BTRC: variants seen among roughly 807,000 people sequenced by gnomAD.
BTRC encodes beta-transducin repeat containing E3 ubiquitin protein ligase.
In BTRC, 42 loss-of-function variants were observed where a neutral mutation model predicts 85.5. That is an observed-to-expected ratio of 0.49 (90% CI 0.38 to 0.64). The LOEUF is 0.64. BTRC is among the 30% of genes least tolerant of loss of function. The pLI is 0.00. For synonymous variants in BTRC, 255 were observed against 263.3 expected (o/e 0.97, Z 0.30); for missense variants, 594 against 743.5 (o/e 0.80, Z 2.34).
chr10:101,377,179 G>A lies in BTRC; in HGVS notation c.48+22951G>A, dbSNP rs371823953. On this transcript the variant is annotated intron_variant, in intron 1 of 14. Transcript: ENST00000370187. ...AAATCTTCTGTTACTGACCTCTTCC[G>A]TTCAGCATAATGCCTTTGAGCTAGA... 1.9e-4 allele frequency among the ~76,000 whole-genome samples: 29 copies of A among 152,160 alleles called. 1 individual carries two copies. The highest frequency in any genetic ancestry group is 1.3e-3 in the East Asian group (7 of 5,188).
intron 3 of BTRC, among the ~76,000 whole-genome samples, chr10:101,464,598 T>C (rs1564788872): frequency 7.1e-6 from 1 of 141,650 alleles, no homozygotes; most frequent in Non-Finnish European, 1.5e-5. Flanking sequence ...AGTGTTGAGA[T>C]CCAAGCTCTG....
At chr10:101,545,024 G>T (rs1272236298) in intron 13 of BTRC, among the ~76,000 whole-genome samples, 1 of 151,240 alleles carries the variant, frequency 6.6e-6, no homozygotes, top group African/African-American at 2.4e-5. Flanking sequence ...CTGCACTCCA[G>T]CTTGGGTGAG....
intron 4 of BTRC, among the ~76,000 whole-genome samples, chr10:101,511,144 C>T (rs1337251856): frequency 6.6e-6 from 1 of 152,176 alleles, no homozygotes; most frequent in Non-Finnish European, 1.5e-5. Flanking sequence ...GCCTAGAAGG[C>T]CTTATGTGAT....
chr10:101,429,886 T>C (rs1386263374), intron 1 of BTRC, among the ~76,000 whole-genome samples: 4 of 151,714 alleles, frequency 2.6e-5, no homozygotes, highest in Non-Finnish European at 5.9e-5. Context: ...AAAAACTCTC[T>C]TAACTGTGGT....
intron 13 of BTRC, among the ~76,000 whole-genome samples, chr10:101,548,580 T>C (rs1589630839): frequency 6.6e-6 from 1 of 152,140 alleles, no homozygotes; most frequent in Admixed American, 6.5e-5. Context: ...GGTGGAATCC[T>C]GTCTTTACTA....
In BTRC at chr10:101,420,320, G is replaced by A. The variant is rs190338069; in HGVS notation, c.49-10025G>A. ...ATCTCCTGTTGCTGACATATCTCTC[G>A]CTCCATTTCTCACCCCATACTTCAT... On this transcript the variant is annotated intron_variant, in intron 1 of 14. Coordinates refer to ENST00000370187, the MANE Select transcript of BTRC (RefSeq NM_033637.4). Among the ~76,000 whole-genome samples the A allele has an allele frequency of 2.5e-3, 378 of 151,534 alleles. 3 individuals carry two copies. The highest frequency in any genetic ancestry group is 8.5e-3 in the African/African-American group (351 of 41,236).
chr10:101,532,620 G>T (rs1231401513), intron 8 of BTRC, among the ~76,000 whole-genome samples, 188 bp downstream of exon 8: 1 of 152,114 alleles, frequency 6.6e-6, no homozygotes. Flanking sequence ...ATACAAACGG[G>T]TAGTCCTAGG....
chr10:101,522,352 T>TAAAAAAAAAAAAA (rs34282047), intron 5 of BTRC, among the ~76,000 whole-genome samples: 6 of 42,094 alleles, frequency 1.4e-4, no homozygotes, highest in African/African-American at 2.0e-4. Flanking sequence ...TATAAAGCTT[T>TAAAAAAAAAAAAA]AAAAAAAAAA....
intron 1 of BTRC, among the ~76,000 whole-genome samples, chr10:101,427,230 G>A (rs1312302328): frequency 6.9e-6 from 1 of 144,952 alleles, no homozygotes; most frequent in African/African-American, 2.6e-5. Flanking sequence ...CGATTCTCCT[G>A]CCTCAGCCTC....
At chr10:101,429,413 A>G (rs1289651804) in intron 1 of BTRC, among the ~76,000 whole-genome samples, 1 of 151,902 alleles carries the variant, frequency 6.6e-6, no homozygotes, top group East Asian at 1.9e-4. Flanking sequence ...TATTATATAT[A>G]TGTACATTCT....
At chr10:101,452,209 T>C (rs777199100) in intron 2 of BTRC, among the ~76,000 whole-genome samples, 6 of 152,190 alleles carry the variant, frequency 3.9e-5, no homozygotes, top group Non-Finnish European at 7.3e-5. Context: ...ACTATGACAA[T>C]TAATCAGTTT....
chr10:101,355,963 A>G (rs952200955), intron 1 of BTRC, among the ~76,000 whole-genome samples: 1 of 152,210 alleles, frequency 6.6e-6, no homozygotes, highest in African/African-American at 2.4e-5. Context: ...AAGTTACTAC[A>G]CTTAAGTTAG....
chr10:101,427,113 C>CTTTTTTTTTTT (rs138285266), intron 1 of BTRC, among the ~76,000 whole-genome samples: 257 of 109,314 alleles, frequency 2.4e-3, no homozygotes, highest in East Asian at 4.6e-3. Flanking sequence ...TTTTTTCTTT[C>CTTTTTTTTTTT]TTTTTTTTTT....
intron 5 of BTRC, among the ~76,000 whole-genome samples, chr10:101,522,281 C>T (rs2062119634): frequency 7.0e-6 from 1 of 142,378 alleles, no homozygotes; most frequent in African/African-American, 2.6e-5. Flanking sequence ...ACCTCGTGGT[C>T]CACCTGCCTC....
At position 101,383,426 on chromosome 10, in the gene BTRC, C is replaced by G. The variant is rs534549898; in HGVS notation, c.48+29198C>G. On this transcript the variant is annotated intron_variant, in intron 1 of 14. Coordinates refer to ENST00000370187, the MANE Select transcript of BTRC (RefSeq NM_033637.4). ...AAAAAAAAAAAAGGCTAGTCAAGTT[C>G]TGAAGCAATTGGTTGTGAACACCTG... Among the ~76,000 whole-genome samples, 130 of 149,068 alleles carry G rather than the reference C, an allele frequency of 8.7e-4. 1 individual carries two copies. Among genetic ancestry groups the G allele is most frequent in the African/African-American group, 3.0e-3 (123 of 40,840 alleles).
At position 101,362,126 on chromosome 10, in the gene BTRC, C is replaced by T. The variant is rs1209794343; in HGVS notation, c.48+7898C>T. ...CAGGCACGTACCACCACACCCAGCTCATTTTTGTGTTTTTAGTAGGGATGG... is the reference window on the plus strand; with the variant it reads ...CAGGCACGTACCACCACACCCAGCTTATTTTTGTGTTTTTAGTAGGGATGG... On this transcript the variant is annotated intron_variant, in intron 1 of 14. Coordinates refer to ENST00000370187, the MANE Select transcript of BTRC (RefSeq NM_033637.4). Among the ~76,000 whole-genome samples the T allele has an allele frequency of 2.7e-5, 4 of 148,892 alleles. No individual in the cohort carries two copies. In the East Asian group the frequency reaches 6.1e-4, roughly 23 times the overall value.
intron 3 of BTRC, among the ~76,000 whole-genome samples, chr10:101,475,605 C>G (rs973419301): frequency 3.9e-5 from 6 of 152,086 alleles, no homozygotes; most frequent in African/African-American, 1.4e-4. Flanking sequence ...TATATCTCTA[C>G]TATTTTCCCC....
chr10:101,508,778 G>A (rs949809675), intron 4 of BTRC, among the ~76,000 whole-genome samples: 1 of 151,982 alleles, frequency 6.6e-6, no homozygotes, highest in Non-Finnish European at 1.5e-5. Flanking sequence ...GCCAGGTGTG[G>A]TGGCAGGCGC....
At chr10:101,365,473 T>G (rs1006242113) in intron 1 of BTRC, among the ~76,000 whole-genome samples, 1 of 151,830 alleles carries the variant, frequency 6.6e-6, no homozygotes. Context: ...AAATTTTTTA[T>G]TTTTATTTTT....
Sources: allele counts gnomAD v4.1 joint callset (sites outside exome capture counted in the v4.1 genomes callset), GRCh38; gene constraint gnomAD v4.1.1; transcripts MANE v1.5; gene names NCBI Gene and HGNC (gene_info 2026-07-23, HGNC 2026-07-21).